CHML: variants seen among roughly 807,000 people sequenced by gnomAD.
The protein encoded by CHML is CHM like Rab escort protein.
In CHML, 20 loss-of-function variants were observed where a neutral mutation model predicts 30.4. The observed-to-expected ratio is 0.66, with a 90% CI of 0.46 to 0.95. CHML has a LOEUF of 0.95. Among genes scored for constraint, CHML ranks in the 40% least tolerant of loss-of-function variants. The pLI is 0.00. For synonymous variants in CHML, 281 were observed against 275.0 expected (o/e 1.02, Z -0.22); for missense variants, 795 against 768.5 (o/e 1.03, Z -0.41).
chr1:241,634,523 G>C lies in CHML; in HGVS notation c.1244C>G (p.Ser415Cys), dbSNP rs376791831. The change falls in exon 2 of 2, where the codon TCT (serine) becomes TGT (cysteine). Residue 415 changes from serine (S) to cysteine (C), a missense_variant. Transcript: ENST00000366553. ...ATCTATAATTGCTTTACATCGTCCA[G>C]ATTCTTTGTCGACTACAAAGCATTG... is the stretch of plus-strand genomic sequence containing the variant. ...KVQCFVVDKESGRCKAIIDHF... is the reference protein window; with the variant it reads ...KVQCFVVDKECGRCKAIIDHF... 1.4e-5 allele frequency: 22 copies of C among 1,613,780 alleles called. No homozygotes were observed. Among genetic ancestry groups the C allele is most frequent in the African/African-American group, 4.0e-5 (3 of 74,910 alleles).
chr1:241,633,701 C>A lies in CHML; in HGVS notation c.*95G>T. The A allele has an allele frequency of 7.7e-7, 1 of 1,290,866 alleles. No homozygotes were observed. The highest frequency in any genetic ancestry group is 1.1e-6 in the Non-Finnish European group (1 of 920,232). The allele number at this position is 1,290,866 out of a possible 1,614,324, so 80.0% of individuals were successfully genotyped here. ...CTGCATAGCATTCATCATATATAAC[C>A]ACTTCTAATTACTCATATGGGAAAC... On this transcript the variant is annotated 3_prime_UTR_variant, in exon 2 of 2. Coordinates refer to ENST00000366553, the MANE Select transcript of CHML (RefSeq NM_001381853.1).
intron 1 of CHML, chr1:241,639,362 T>A (rs1573970836): frequency 6.6e-6 from 1 of 152,142 alleles, no homozygotes; most frequent in Non-Finnish European, 1.5e-5. Context: ...CAAGTACTAA[T>A]GAGAATTTTT....
rs1467464925 is a variant in CHML, at chr1:241,631,001, CAT to C, written c.*2793_*2794del. ...TAAAAATGTCTTTTAGTACTGAGAA[CAT>C]GTCTGCCTCAAAAGACAATTTGAAG... On this transcript the variant is annotated 3_prime_UTR_variant, in exon 2 of 2. Transcript: ENST00000366553. 1 of 152,038 alleles carries C rather than the reference CAT, an allele frequency of 6.6e-6. No individual in the cohort carries two copies. The highest frequency in any genetic ancestry group is 1.5e-5 in the Non-Finnish European group (1 of 67,964). 9.4% of individuals were successfully genotyped at this position (152,038 alleles called of 1,614,324 possible).
Position 241,630,541 on chromosome 1 carries a change from A to G in CHML, c.*3255T>C, listed in dbSNP as rs1437992077. ...ATACTATAAGTTTTAGCAGTTGTAA[A>G]GCCATGTTAATAGAAAATATTTATG... On this transcript the variant is annotated 3_prime_UTR_variant, in exon 2 of 2. Coordinates refer to ENST00000366553, the MANE Select transcript of CHML (RefSeq NM_001381853.1). The G allele has an allele frequency of 6.6e-6, 1 of 152,056 alleles. No homozygotes were observed. Among genetic ancestry groups the G allele is most frequent in the African/African-American group, 2.4e-5 (1 of 41,442 alleles). 9.4% of individuals were successfully genotyped at this position (152,056 alleles called of 1,614,324 possible). A position where few individuals can be genotyped will look rare whatever the true frequency, so the allele number is the denominator to read the frequency against.
In CHML at chr1:241,633,930, G is replaced by A; in HGVS notation, c.1837C>T (p.Pro613Ser). 1 of 1,613,874 alleles carries A rather than the reference G, an allele frequency of 6.2e-7. No homozygotes were observed. The highest frequency in any genetic ancestry group is 8.5e-7 in the Non-Finnish European group (1 of 1,179,834). The change falls in exon 2 of 2, where the codon CCA becomes TCA. Residue 613 changes from proline to serine, a missense_variant. Transcript: ENST00000366553. ...TEEFCPPPPNPEDIIFDGDDK... is the reference protein window; with the variant it reads ...TEEFCPPPPNSEDIIFDGDDK... ...TCACCATCAAAGATAATGTCTTCTG[G>A]ATTTGGAGGTGGAGGGCAGAATTCT...
rs879175089 is a variant in CHML, at chr1:241,634,371, G to A, written c.1396C>T (p.Leu466=). ...RAVLITDQSI[L]KTDLDQQTSI... ...GTCTGCTGATCTAAATCTGTCTTTA[G>A]TATAGACTGATCTGTAATGAGTACT... The change falls in exon 2 of 2, where the codon CTA becomes TTA. Residue 466 remains leucine, a synonymous_variant. Coordinates refer to ENST00000366553, the MANE Select transcript of CHML (RefSeq NM_001381853.1). 7 of 1,613,924 alleles carry A rather than the reference G, an allele frequency of 4.3e-6. No individual in the cohort carries two copies. The highest frequency in any genetic ancestry group is 8.5e-7 in the Non-Finnish European group (1 of 1,179,898).
In CHML at chr1:241,640,079, T is replaced by G. The variant is rs1335542703; in HGVS notation, c.-505A>C. ...GTAGTAGAGGACGAGCACCAGCAGG[T>G]TGTTGCCGACGCCCAGCAGCCCAAT... On this transcript the variant is annotated 5_prime_UTR_variant, in exon 1 of 2. Coordinates refer to ENST00000366553, the MANE Select transcript of CHML (RefSeq NM_001381853.1). The G allele has an allele frequency of 6.2e-7, 1 of 1,610,374 alleles. No individual in the cohort carries two copies.
Position 241,631,485 on chromosome 1 carries a change from A to G in CHML, c.*2311T>C, listed in dbSNP as rs1252873489. On this transcript the variant is annotated 3_prime_UTR_variant, in exon 2 of 2. Coordinates refer to ENST00000366553, the MANE Select transcript of CHML (RefSeq NM_001381853.1). ...TCTGTTAGATTTAAACTTTAGGATA[A>G]AGTTTAAATATGACTTTTACTATAT... is the stretch of plus-strand genomic sequence containing the variant. 1.3e-5 allele frequency: 2 copies of G among 152,060 alleles called. No homozygotes were observed. Among genetic ancestry groups the G allele is most frequent in the Admixed American group, 1.3e-4 (2 of 15,246 alleles). The allele number at this position is 152,060 out of a possible 1,614,324, so 9.4% of individuals were successfully genotyped here. A position where few individuals can be genotyped will look rare whatever the true frequency, so the allele number is the denominator to read the frequency against.
chr1:241,637,328 C>T (rs1377890905), intron 1 of CHML, among the ~76,000 whole-genome samples: 2 of 152,176 alleles, frequency 1.3e-5, no homozygotes, highest in African/African-American at 4.8e-5. Flanking sequence ...AAATGGCAAT[C>T]CTAACAGTCC....
chr1:241,635,893 G>GT lies in CHML; in HGVS notation c.-128dup, dbSNP rs1340843240. ...AGCACTGAAGTTGCAGGTCCTAGCTGTTTAACGGTTACCCTTTTAAAATAT... is the reference window on the plus strand; with the variant it reads ...AGCACTGAAGTTGCAGGTCCTAGCTGTTTTAACGGTTACCCTTTTAAAATAT... On this transcript the variant is annotated 5_prime_UTR_variant, in exon 2 of 2. Coordinates refer to ENST00000366553, the MANE Select transcript of CHML (RefSeq NM_001381853.1). 8.0e-6 allele frequency: 7 copies of GT among 874,478 alleles called. No homozygotes were observed. The highest frequency in any genetic ancestry group is 1.2e-5 in the Non-Finnish European group (7 of 572,312). The allele number at this position is 874,478 out of a possible 1,614,324, so 54.2% of individuals were successfully genotyped here. A position where few individuals can be genotyped will look rare whatever the true frequency, so the allele number is the denominator to read the frequency against.
intron 1 of CHML, among the ~76,000 whole-genome samples, chr1:241,637,869 A>C (rs1664959590): frequency 6.6e-6 from 1 of 152,116 alleles, no homozygotes; most frequent in Admixed American, 6.5e-5. Context: ...GCCTCTCCAA[A>C]AGCCTCTGCA....
chr1:241,640,291 C>A lies in CHML; in HGVS notation c.-717G>T. 2 of 1,144,002 alleles carry A rather than the reference C, an allele frequency of 1.7e-6. No individual in the cohort carries two copies. The highest frequency in any genetic ancestry group is 1.1e-6 in the Non-Finnish European group (1 of 934,682). 70.9% of individuals were successfully genotyped at this position (1,144,002 alleles called of 1,614,324 possible). A position where few individuals can be genotyped will look rare whatever the true frequency, so the allele number is the denominator to read the frequency against. On this transcript the variant is annotated 5_prime_UTR_variant, in exon 1 of 2. The change abolishes the stop of an existing upstream ORF in the 5' untranslated region. Coordinates refer to ENST00000366553, the MANE Select transcript of CHML (RefSeq NM_001381853.1). The stretch of plus-strand genomic sequence containing the variant: ...GGCGCGCCTGGCGGGCGGAGGCGCT[C>A]AGCTTGCGGCGGGGCTCGCGGCGCG...
In CHML at chr1:241,630,816, T is replaced by A; in HGVS notation, c.*2980A>T. ...GAATTTTTGAAAAGTTATCTGTAAT[T>A]AATACTTTGGATTTTACTATTTGTT... On this transcript the variant is annotated 3_prime_UTR_variant, in exon 2 of 2. Transcript: ENST00000366553. 1 of 152,132 alleles carries A rather than the reference T, an allele frequency of 6.6e-6. No individual in the cohort carries two copies. Among genetic ancestry groups the A allele is most frequent in the Non-Finnish European group, 1.5e-5 (1 of 67,962 alleles). The allele number at this position is 152,132 out of a possible 1,614,324, so 9.4% of individuals were successfully genotyped here.
rs913237553 is a variant in CHML, at chr1:241,629,313, T to C, written c.*4483A>G. 6.6e-6 allele frequency: 1 copy of C among 152,152 alleles called. No homozygotes were observed. The highest frequency in any genetic ancestry group is 2.1e-4 in the South Asian group (1 of 4,832). The allele number at this position is 152,152 out of a possible 1,614,324, so 9.4% of individuals were successfully genotyped here. A position where few individuals can be genotyped will look rare whatever the true frequency, so the allele number is the denominator to read the frequency against. ...TTTATAGTCTTCTACACAGTTCTCT[T>C]AAAAGGCTACTAATACACAATGCTG... On this transcript the variant is annotated 3_prime_UTR_variant, in exon 2 of 2. Coordinates refer to ENST00000366553, the MANE Select transcript of CHML (RefSeq NM_001381853.1).
At position 241,629,881 on chromosome 1, in the gene CHML, T is replaced by C. The variant is rs1424989214; in HGVS notation, c.*3915A>G. ...CAGAATATTCAGAAAGGTTGCTTAA[T>C]AGCATGTTTTAAGGATTTGGAGAGC... On this transcript the variant is annotated 3_prime_UTR_variant, in exon 2 of 2. Coordinates refer to ENST00000366553, the MANE Select transcript of CHML (RefSeq NM_001381853.1). 1 of 152,100 alleles carries C rather than the reference T, an allele frequency of 6.6e-6. No individual in the cohort carries two copies. Among genetic ancestry groups the C allele is most frequent in the Non-Finnish European group, 1.5e-5 (1 of 67,958 alleles). 9.4% of individuals were successfully genotyped at this position (152,100 alleles called of 1,614,324 possible). A position where few individuals can be genotyped will look rare whatever the true frequency, so the allele number is the denominator to read the frequency against.
intron 1 of CHML, 52 bp downstream of exon 1, chr1:241,639,830 T>C: frequency 7.4e-7 from 1 of 1,353,494 alleles, no homozygotes; most frequent in Non-Finnish European, 9.5e-7. Flanking sequence ...GGCAGCGGGG[T>C]GGGGAGTGGA....
At position 241,635,412 on chromosome 1, in the gene CHML, G is replaced by A. The variant is rs1339076779; in HGVS notation, c.355C>T (p.Leu119=). The part of the protein sequence containing the change: ...MEDNVEEIGA[L]QKNPSLGVSN... ...ACCCCCAAAGAAGGATTTTTCTGCA[G>A]AGCACCAATCTCTTCAACGTTGTCC... The change falls in exon 2 of 2, where the codon CTG becomes TTG. Residue 119 remains leucine (L), a synonymous_variant. Transcript: ENST00000366553. 6.2e-7 allele frequency: 1 copy of A among 1,613,876 alleles called. No homozygotes were observed.
At position 241,635,850 on chromosome 1, in the gene CHML, T is replaced by A; in HGVS notation, c.-84A>T. The A allele has an allele frequency of 7.4e-7, 1 of 1,359,914 alleles. No individual in the cohort carries two copies. Among genetic ancestry groups the A allele is most frequent in the Non-Finnish European group, 1.0e-6 (1 of 991,380 alleles). The allele number at this position is 1,359,914 out of a possible 1,614,324, so 84.2% of individuals were successfully genotyped here. On this transcript the variant is annotated 5_prime_UTR_variant, in exon 2 of 2. Transcript: ENST00000366553. ...GCTGTAATAAAATCTGTCCTTCTGA[T>A]GTTCCAGTTATCCCAGAAGCACTGA...
Position 241,633,654 on chromosome 1 carries a change from G to T in CHML, c.*142C>A. ...TTAACAAAGATATTCAATGCTGAAT[G>T]TCTGAGAGTTAAAGACAACATCTGC... On this transcript the variant is annotated 3_prime_UTR_variant, in exon 2 of 2. Transcript: ENST00000366553. 1 of 820,458 alleles carries T rather than the reference G, an allele frequency of 1.2e-6. No individual in the cohort carries two copies. The highest frequency in any genetic ancestry group is 1.7e-5 in the South Asian group (1 of 58,882). The allele number at this position is 820,458 out of a possible 1,614,324, so 50.8% of individuals were successfully genotyped here.
Sources: allele counts gnomAD v4.1 joint callset (sites outside exome capture counted in the v4.1 genomes callset), GRCh38; gene constraint gnomAD v4.1.1; transcripts MANE v1.5; gene names NCBI Gene and HGNC (gene_info 2026-07-23, HGNC 2026-07-21).